SOX6: variants seen among roughly 807,000 people sequenced by gnomAD.
SOX6 encodes the protein transcription factor SOX-6.
Under a neutral mutation model 97.8 loss-of-function variants are expected in SOX6, and 11 were observed. The ratio of observed to expected loss-of-function variants is 0.11; its 90% CI spans 0.07 to 0.19. The LOEUF (loss-of-function observed/expected upper bound fraction) is 0.19, where lower values mean the gene tolerates loss of function less well. Ranked by LOEUF, SOX6 falls within the 10% of genes least tolerant of loss-of-function variation. The pLI, the probability that SOX6 is intolerant of heterozygous loss-of-function variation, is 1.00. For missense variants in SOX6, 810 were observed against 1,039.5 expected (o/e 0.78, Z 3.04); for synonymous variants, 360 against 371.4 (o/e 0.97, Z 0.35).
At chr11:16,495,121 C>G (rs111862400) in intron 4 of SOX6, among the ~76,000 whole-genome samples, 2,073 of 152,180 alleles carry the variant, frequency 0.014, 50 homozygotes, top group African/African-American at 0.048. Flanking sequence ...CCACTGGCAA[C>G]AATCCCACCA....
chr11:16,260,532 T>C (rs1018249890), intron 3 of SOX6, among the ~76,000 whole-genome samples: 2 of 152,152 alleles, frequency 1.3e-5, no homozygotes, highest in Non-Finnish European at 2.9e-5. Context: ...GGACAAGCCA[T>C]GCTCTTCAGA....
chr11:16,043,903 C>A (rs1317408488), intron 12 of SOX6, among the ~76,000 whole-genome samples: 1 of 151,418 alleles, frequency 6.6e-6, no homozygotes, highest in African/African-American at 2.4e-5. Context: ...CTGGTTGATG[C>A]AGGGGTACAA....
intron 1 of SOX6, among the ~76,000 whole-genome samples, chr11:16,424,390 A>C (rs990869454): frequency 2.6e-5 from 4 of 152,170 alleles, no homozygotes; most frequent in Non-Finnish European, 4.4e-5. Flanking sequence ...TAGCAAGACA[A>C]ATGGTATTTT....
At position 16,603,413 on chromosome 11, in the gene SOX6, T is replaced by C. The variant is rs565067771; in HGVS notation, n.609+8668A>G. ...GAGTAAGATAGGGAAAGACAGTAGA[T>C]CTGCCCAGGCTTTCCCACAGTGATC... is the stretch of plus-strand genomic sequence containing the variant. On this transcript the variant is annotated intron_variant and non_coding_transcript_variant, in intron 4 of 5. Transcript: ENST00000524520. 2.6e-5 allele frequency among the ~76,000 whole-genome samples: 4 copies of C among 152,226 alleles called. No individual in the cohort carries two copies. In the East Asian group the frequency reaches 5.8e-4, roughly 22 times the overall value.
rs74610700 is a variant in SOX6, at chr11:16,210,549, T to C, written c.536-23594A>G. Among the ~76,000 whole-genome samples the C allele has an allele frequency of 1.8e-3, 274 of 152,300 alleles. 8 individuals carry two copies. The East Asian group carries it at 0.027, about 15-fold the overall frequency. ...TTCTCTGAGGGTGATGTACATATTC[T>C]AAAATTGATGGTGGCAGATGAATCT... On this transcript the variant is annotated intron_variant, in intron 4 of 15. Coordinates refer to ENST00000683767, the MANE Select transcript of SOX6 (RefSeq NM_001367873.1).
chr11:16,683,274 C>T (rs1206303920), intron 3 of SOX6, among the ~76,000 whole-genome samples: 1 of 152,050 alleles, frequency 6.6e-6, no homozygotes, highest in Non-Finnish European at 1.5e-5. Flanking sequence ...CCCACATAGC[C>T]AAGAAAATCC....
chr11:16,079,155 A>G (rs961566914), intron 9 of SOX6, among the ~76,000 whole-genome samples: 2 of 152,144 alleles, frequency 1.3e-5, no homozygotes, highest in African/African-American at 2.4e-5. Context: ...CTGCCAAGGA[A>G]CCAGATGCTG....
At chr11:16,287,468 T>G (rs1377047179) in intron 3 of SOX6, among the ~76,000 whole-genome samples, 1 of 151,988 alleles carries the variant, frequency 6.6e-6, no homozygotes. Context: ...AAGGGCCCCA[T>G]TAAACTCAAG....
chr11:16,536,398 G>A (rs1042131376), intron 4 of SOX6, among the ~76,000 whole-genome samples: 1 of 152,148 alleles, frequency 6.6e-6, no homozygotes, highest in African/African-American at 2.4e-5. Flanking sequence ...CGCAGAAGAT[G>A]GGTGATTTCT....
At chr11:16,253,262 T>A (rs1853572354) in intron 3 of SOX6, among the ~76,000 whole-genome samples, 1 of 151,656 alleles carries the variant, frequency 6.6e-6, no homozygotes, top group African/African-American at 2.4e-5. Context: ...GGTAGGAGAA[T>A]CCATTGAACC....
rs1316743867 is a variant in SOX6 at position 15,967,967 on chromosome 11, T to G, written c.*4842A>C. 3 of 117,454 alleles carry G rather than the reference T, an allele frequency of 2.6e-5. No individual in the cohort carries two copies. The highest frequency in any genetic ancestry group is 9.9e-5 in the African/African-American group (3 of 30,334). The allele number at this position is 117,454 out of a possible 1,614,324, so 7.3% of individuals were successfully genotyped here. Reference sequence around the variant, plus strand: ...TTGTTCATGAGCTTTTGGAAAGCAATCTGTCCCCAAAGGGAAAGATAGAAT... The same window carrying G: ...TTGTTCATGAGCTTTTGGAAAGCAAGCTGTCCCCAAAGGGAAAGATAGAAT... On this transcript the variant is annotated 3_prime_UTR_variant, in exon 16 of 16. Transcript: ENST00000683767.
intron 2 of SOX6, among the ~76,000 whole-genome samples, chr11:16,729,344 C>T (rs1848331519): frequency 1.3e-5 from 2 of 152,110 alleles, no homozygotes; most frequent in Admixed American, 1.3e-4. Context: ...GCTGGGTTAC[C>T]CACAAAGGGA....
intron 2 of SOX6, among the ~76,000 whole-genome samples, chr11:16,722,407 C>T (rs1310821019): frequency 1.3e-5 from 2 of 152,168 alleles, no homozygotes; most frequent in Non-Finnish European, 2.9e-5. Context: ...AATCTCAGCA[C>T]TCCGGAGGCC....
intron 9 of SOX6, among the ~76,000 whole-genome samples, chr11:16,084,396 A>G (rs1213355856): frequency 6.6e-6 from 1 of 151,988 alleles, no homozygotes; most frequent in Non-Finnish European, 1.5e-5. Flanking sequence ...TGTTCAATAA[A>G]TATTTTTCAA....
At chr11:16,058,995 G>GT (rs1847883192) in intron 9 of SOX6, among the ~76,000 whole-genome samples, 1 of 152,018 alleles carries the variant, frequency 6.6e-6, no homozygotes, top group South Asian at 2.1e-4. Context: ...GATACATGAT[G>GT]CCTTCAATTC....
At chr11:16,625,574 G>A (rs889574875) in intron 3 of SOX6, among the ~76,000 whole-genome samples, 1 of 152,174 alleles carries the variant, frequency 6.6e-6, no homozygotes, top group Admixed American at 6.5e-5. Context: ...ATGGGCTCCT[G>A]GATTGAGACT....
At chr11:16,510,061 G>A (rs1860853082) in intron 4 of SOX6, among the ~76,000 whole-genome samples, 1 of 151,968 alleles carries the variant, frequency 6.6e-6, no homozygotes, top group Admixed American at 6.6e-5. Flanking sequence ...ATATAATGAA[G>A]CATGTGAAAG....
intron 9 of SOX6, among the ~76,000 whole-genome samples, chr11:16,080,896 G>C (rs986615497): frequency 6.6e-6 from 1 of 152,096 alleles, no homozygotes; most frequent in African/African-American, 2.4e-5. Context: ...GCCAGGCACA[G>C]TGCAACATAG....
At chr11:16,045,027 C>T (rs952184329) in intron 12 of SOX6, among the ~76,000 whole-genome samples, 3 of 152,168 alleles carry the variant, frequency 2.0e-5, no homozygotes, top group African/African-American at 7.2e-5. Flanking sequence ...TCTCTCATCC[C>T]TCTCCCGTGT....
Sources: gnomAD v4.1 joint callset for allele counts (sites outside exome capture counted in the v4.1 genomes callset) on GRCh38, gnomAD v4.1.1 for gene constraint, MANE v1.5 for transcripts, NCBI Gene and HGNC (gene_info 2026-07-23, HGNC 2026-07-21) for gene names.